Variants in CNTNAP2 observed in about 807,000 individuals in gnomAD.
CNTNAP2 encodes contactin-associated protein-like 2.
CNTNAP2 carries 98 observed loss-of-function variants against 155.2 expected under a neutral mutation model. That is an observed-to-expected ratio of 0.63 (90% CI 0.54 to 0.75). The LOEUF is 0.75. CNTNAP2 is among the 30% of genes least tolerant of loss of function. CNTNAP2 has a pLI of 0.00. For synonymous variants in CNTNAP2, 651 were observed against 631.2 expected, an observed-to-expected ratio of 1.03 and a Z score of -0.47; for missense variants, 1,727 against 1,688.1, an observed-to-expected ratio of 1.02 and a Z score of -0.40.
chr7:146,510,682 G>A (rs1257283836), intron 1 of CNTNAP2, among the ~76,000 whole-genome samples: 1 of 151,588 alleles, frequency 6.6e-6, no homozygotes, highest in Non-Finnish European at 1.5e-5. Context: ...AATTTTATTT[G>A]TAGAGATCCT....
At chr7:147,774,119 G>T (rs748080435) in intron 13 of CNTNAP2, among the ~76,000 whole-genome samples, 4 of 151,964 alleles carry the variant, frequency 2.6e-5, no homozygotes, top group Non-Finnish European at 5.9e-5. Context: ...AGTTAATAAT[G>T]CCCTTTTCTG....
intron 14 of CNTNAP2, among the ~76,000 whole-genome samples, chr7:147,951,060 C>A (rs1800922026): frequency 6.6e-6 from 1 of 152,180 alleles, no homozygotes; most frequent in Non-Finnish European, 1.5e-5. Context: ...ATTCCCATGT[C>A]CATTTAAAAT....
intron 13 of CNTNAP2, among the ~76,000 whole-genome samples, chr7:147,857,814 A>G (rs1409646858): frequency 6.6e-6 from 1 of 152,256 alleles, no homozygotes; most frequent in Non-Finnish European, 1.5e-5. Flanking sequence ...ATATGAATAT[A>G]CATCTCTAAT....
intron 8 of CNTNAP2, among the ~76,000 whole-genome samples, chr7:147,213,320 C>A (rs1391778781): frequency 6.6e-6 from 1 of 152,098 alleles, no homozygotes; most frequent in Non-Finnish European, 1.5e-5. Context: ...TTGGTGAGGG[C>A]CATCTTCTTT....
chr7:146,352,748 C>CTTTTTTTTTTTTT (rs1201897985), intron 1 of CNTNAP2, among the ~76,000 whole-genome samples: 7 of 66,204 alleles, frequency 1.1e-4, no homozygotes, highest in East Asian at 4.0e-4. Context: ...TAGCATAATT[C>CTTTTTTTTTTTTT]TGTTTTTTTT....
At chr7:147,947,673 T>A (rs1179305436) in intron 14 of CNTNAP2, among the ~76,000 whole-genome samples, 1 of 151,922 alleles carries the variant, frequency 6.6e-6, no homozygotes, top group Non-Finnish European at 1.5e-5. Flanking sequence ...TAGCTCCCAA[T>A]GCTTCAGGAA....
chr7:148,331,699 T>C (rs1423629314), intron 21 of CNTNAP2, among the ~76,000 whole-genome samples: 1 of 151,304 alleles, frequency 6.6e-6, no homozygotes, highest in African/African-American at 2.4e-5. Context: ...ACGGATGGAG[T>C]GGATGGATGG....
At chr7:148,294,717 A>G (rs896667539) in intron 21 of CNTNAP2, among the ~76,000 whole-genome samples, 1 of 152,196 alleles carries the variant, frequency 6.6e-6, no homozygotes, top group Non-Finnish European at 1.5e-5. Flanking sequence ...GTCCAGACAT[A>G]AGAGAACACT....
At chr7:147,200,809 A>T (rs1395264726) in intron 8 of CNTNAP2, among the ~76,000 whole-genome samples, 1 of 152,212 alleles carries the variant, frequency 6.6e-6, no homozygotes, top group Non-Finnish European at 1.5e-5. Context: ...AAGCCTACCC[A>T]ATAAAATAAT....
chr7:146,469,774 C>A (rs918726853), intron 1 of CNTNAP2, among the ~76,000 whole-genome samples: 6 of 151,788 alleles, frequency 4.0e-5, no homozygotes, highest in African/African-American at 1.2e-4. Flanking sequence ...GAGATCCACA[C>A]GCCTAGGCCT....
At chr7:146,740,879 C>A (rs1801704225) in intron 1 of CNTNAP2, among the ~76,000 whole-genome samples, 1 of 152,152 alleles carries the variant, frequency 6.6e-6, no homozygotes, top group African/African-American at 2.4e-5. Context: ...TTGTGTAGGC[C>A]AGAGATAAAT....
chr7:147,552,237 G>C (rs184866424), intron 11 of CNTNAP2, among the ~76,000 whole-genome samples: 6 of 151,874 alleles, frequency 4.0e-5, no homozygotes, highest in Admixed American at 6.6e-5. Context: ...TATGGGAAAC[G>C]GCCTGTTTCA....
At chr7:146,635,844 G>A (rs890349052) in intron 1 of CNTNAP2, among the ~76,000 whole-genome samples, 24 of 151,790 alleles carry the variant, frequency 1.6e-4, no homozygotes, top group African/African-American at 5.1e-4. Flanking sequence ...TAGAGTATCA[G>A]TTTGAAGGGG....
At chr7:147,643,897 C>A (rs901499618) in intron 13 of CNTNAP2, among the ~76,000 whole-genome samples, 1 of 151,916 alleles carries the variant, frequency 6.6e-6, no homozygotes, top group African/African-American at 2.4e-5. Flanking sequence ...TGTAAAATTA[C>A]CCATTATTAG....
intron 1 of CNTNAP2, among the ~76,000 whole-genome samples, chr7:146,259,606 G>A (rs114748195): frequency 0.02 from 3,080 of 152,224 alleles, 96 homozygotes; most frequent in African/African-American, 0.068. Context: ...TTCAAACTTA[G>A]GAGAGATGAT....
At chr7:147,060,617 A>G (rs985367061) in intron 4 of CNTNAP2, among the ~76,000 whole-genome samples, 1 of 151,974 alleles carries the variant, frequency 6.6e-6, no homozygotes, top group Non-Finnish European at 1.5e-5. Context: ...TAATCTCAGC[A>G]CTCTGGGAGG....
intron 2 of CNTNAP2, among the ~76,000 whole-genome samples, chr7:146,825,945 T>A (rs1487562551): frequency 6.6e-6 from 1 of 152,180 alleles, no homozygotes; most frequent in African/African-American, 2.4e-5. Flanking sequence ...TGCATCTATT[T>A]GTATATACCA....
chr7:146,547,964 T>C (rs1432629191), intron 1 of CNTNAP2, among the ~76,000 whole-genome samples: 1 of 151,960 alleles, frequency 6.6e-6, no homozygotes, highest in African/African-American at 2.4e-5. Context: ...TACTGCATTT[T>C]TTTCAACTTT....
At chr7:147,729,568 A>AT (rs1324360539) in intron 13 of CNTNAP2, among the ~76,000 whole-genome samples, 1 of 151,760 alleles carries the variant, frequency 6.6e-6, no homozygotes, top group East Asian at 1.9e-4. Context: ...GAGGCAAAAA[A>AT]AATACATCAG....
Sources: allele counts gnomAD v4.1 joint callset (sites outside exome capture counted in the v4.1 genomes callset), GRCh38; gene constraint gnomAD v4.1.1; transcripts MANE v1.5; gene names NCBI Gene and HGNC (gene_info 2026-07-23, HGNC 2026-07-21).